The following ANKRD36C variants were observed in gnomAD, a reference collection of about 807,000 sequenced individuals.
The protein encoded by ANKRD36C is ankyrin repeat domain 36C.
ANKRD36C carries 61 observed loss-of-function variants against 276.4 expected under a neutral mutation model. The ratio of observed to expected loss-of-function variants is 0.22; its 90% CI spans 0.18 to 0.27. ANKRD36C has a LOEUF of 0.27. Among genes scored for constraint, ANKRD36C ranks in the 10% least tolerant of loss-of-function variants. ANKRD36C has a pLI of 1.00. For missense variants in ANKRD36C, 1,447 were observed against 2,032.3 expected (o/e 0.71, Z 5.54); for synonymous variants, 483 against 680.1 (o/e 0.71, Z 4.51).
chr2:95,990,578 A>AGAGT (rs1679118975), intron 1 of ANKRD36C, among the ~76,000 whole-genome samples: 1 of 152,260 alleles, frequency 6.6e-6, no homozygotes, highest in Admixed American at 6.5e-5. Context: ...AGACAGCATG[A>AGAGT]GTAATTCAAA....
exon 3 of ANKRD36C, chr2:95,986,809 T>A: frequency 1.9e-6 from 3 of 1,611,972 alleles, no homozygotes; most frequent in Non-Finnish European, 2.5e-6. Flanking sequence ...CATGGATGTA[T>A]CTTCATTATA....
exon 30 of ANKRD36C, chr2:95,925,375 G>A (rs779408270): frequency 1.5e-5 from 23 of 1,579,652 alleles, no homozygotes; most frequent in South Asian, 6.9e-5. Flanking sequence ...CCCACCGCCC[G>A]TTATTCTTGT....
intron 59 of ANKRD36C, among the ~76,000 whole-genome samples, chr2:95,874,424 G>A (rs1388950197): frequency 1.3e-5 from 2 of 152,248 alleles, no homozygotes; most frequent in Admixed American, 6.5e-5. Context: ...AACAAGCAAC[G>A]GGGAAAGGAT....
chr2:95,972,378 A>G (rs1678717333), intron 6 of ANKRD36C, among the ~76,000 whole-genome samples: 1 of 152,214 alleles, frequency 6.6e-6, no homozygotes, highest in Non-Finnish European at 1.5e-5. Flanking sequence ...CTGGTAGACA[A>G]TATTGCCCAT....
chr2:95,965,318 C>T (rs551398074), intron 6 of ANKRD36C, among the ~76,000 whole-genome samples: 249 of 152,020 alleles, frequency 1.6e-3, no homozygotes, highest in Middle Eastern at 0.01. Flanking sequence ...ATTTGACATC[C>T]GGGAACACTC....
chr2:95,985,881 G>C (rs1435482117), intron 3 of ANKRD36C, among the ~76,000 whole-genome samples: 4 of 151,908 alleles, frequency 2.6e-5, no homozygotes, highest in Admixed American at 2.0e-4. Flanking sequence ...TCTCCCACCT[G>C]CCCATCAAGA....
Position 95,910,357 on chromosome 2 carries a change from C to A in ANKRD36C, c.2653+1887G>T, listed in dbSNP as rs1222223614. 3.9e-6 allele frequency: 6 copies of A among 1,531,436 alleles called. No homozygotes were observed. The highest frequency in any genetic ancestry group is 5.3e-6 in the Non-Finnish European group (6 of 1,139,268). The allele number at this position is 1,531,436 out of a possible 1,614,324, so 94.9% of individuals were successfully genotyped here. A position where few individuals can be genotyped will look rare whatever the true frequency, so the allele number is the denominator to read the frequency against. On this transcript the variant is annotated intron_variant, in intron 42 of 66. Coordinates refer to ENST00000456556, the Ensembl canonical transcript of ANKRD36C. ...ATCTGGACAGAACACGACATTAAAT[C>A]TGTTTTCAAAATTACCTGTCCTAGA...
intron 19 of ANKRD36C, among the ~76,000 whole-genome samples, chr2:95,943,016 C>G (rs1478773246): frequency 6.6e-6 from 1 of 152,312 alleles, no homozygotes; most frequent in Non-Finnish European, 1.5e-5. Flanking sequence ...AGAAAACAAT[C>G]ATGAGTGTTG....
chr2:95,887,216 T>C (rs987042549), intron 50 of ANKRD36C, among the ~76,000 whole-genome samples: 11 of 151,754 alleles, frequency 7.2e-5, no homozygotes, highest in African/African-American at 2.7e-4. Flanking sequence ...CTAACTTCTA[T>C]AACTAAAATC....
chr2:95,910,457 T>C lies in ANKRD36C; in HGVS notation c.2653+1787A>G, dbSNP rs1269903926. 6.3e-7 allele frequency: 1 copy of C among 1,578,968 alleles called. No individual in the cohort carries two copies. Among genetic ancestry groups the C allele is most frequent in the Non-Finnish European group, 8.6e-7 (1 of 1,162,754 alleles). On this transcript the variant is annotated intron_variant, in intron 42 of 66. Coordinates refer to ENST00000456556, the Ensembl canonical transcript of ANKRD36C. ...TCGTCACTTGTAGCCTGAATAGAAT[T>C]TGAAACGAAATAATAAATAAATAAA... is the stretch of plus-strand genomic sequence containing the variant.
intron 42 of ANKRD36C, chr2:95,910,416 C>G (rs767286613): frequency 3.2e-5 from 50 of 1,556,876 alleles, no homozygotes; most frequent in Admixed American, 7.6e-5. Flanking sequence ...TGGCTATACT[C>G]AAAACAGAAT....
intron 5 of ANKRD36C, among the ~76,000 whole-genome samples, chr2:95,978,757 A>G (rs1384055174): frequency 6.6e-6 from 1 of 152,040 alleles, no homozygotes; most frequent in African/African-American, 2.4e-5. Context: ...TTATTGTTCT[A>G]TTATTTGTGG....
chr2:95,908,620 C>G, intron 42 of ANKRD36C, 46 bp from the exon 48 acceptor site: 2 of 1,562,920 alleles, frequency 1.3e-6, no homozygotes, highest in African/African-American at 2.7e-5. Flanking sequence ...AAGTATGTTT[C>G]ATAGACTATA....
chr2:95,854,178 G>C (rs867884276), intron 63 of ANKRD36C, among the ~76,000 whole-genome samples: 3 of 151,868 alleles, frequency 2.0e-5, no homozygotes, highest in Non-Finnish European at 2.9e-5. Context: ...GAGACTGACG[G>C]TAGTAAATTA....
chr2:95,958,248 C>T lies in ANKRD36C; in HGVS notation c.1105+343G>A, dbSNP rs577563281. ...TTTTAGCAATGTGATCAGGCGCCTA[C>T]AATTTCTAGTACTTCATCTTGTTCT... On this transcript the variant is annotated intron_variant, in intron 12 of 66. Transcript: ENST00000456556. 1.2e-4 allele frequency among the ~76,000 whole-genome samples: 18 copies of T among 152,078 alleles called. No homozygotes were observed. The East Asian group carries it at 2.7e-3, about 23-fold the overall frequency.
intron 1 of ANKRD36C, among the ~76,000 whole-genome samples, chr2:95,989,994 A>G: frequency 6.6e-6 from 1 of 152,154 alleles, no homozygotes; most frequent in East Asian, 1.9e-4. Flanking sequence ...TTTATCTAAT[A>G]TGTATATACA....
At chr2:95,893,566 T>C in intron 44 of ANKRD36C, 1 of 1,559,954 alleles carries the variant, frequency 6.4e-7, no homozygotes. Flanking sequence ...TTTTTTTCTC[T>C]GGCTATATTC....
chr2:95,946,156 G>GGAAAAA (rs1470610166), intron 17 of ANKRD36C, among the ~76,000 whole-genome samples: 4 of 73,304 alleles, frequency 5.5e-5, no homozygotes, highest in East Asian at 4.4e-4. Context: ...ACAGAGAGAG[G>GGAAAAA]AAAAAAAAAA....
At chr2:95,913,779 C>G (rs572738541) in intron 40 of ANKRD36C, among the ~76,000 whole-genome samples, 2 of 151,532 alleles carry the variant, frequency 1.3e-5, no homozygotes, top group Non-Finnish European at 3.0e-5. Flanking sequence ...AAATTCTATG[C>G]TTCCTCTCTT....
Sources: gnomAD v4.1 joint callset for allele counts (sites outside exome capture counted in the v4.1 genomes callset) on GRCh38, gnomAD v4.1.1 for gene constraint, MANE v1.5 for transcripts, NCBI Gene and HGNC (gene_info 2026-07-23, HGNC 2026-07-21) for gene names.